The following MGA variants were observed in gnomAD, a reference collection of about 807,000 sequenced individuals.
MGA encodes MAX gene-associated protein.
MGA carries 40 observed loss-of-function variants against 261.1 expected under a neutral mutation model. The ratio of observed to expected loss-of-function variants is 0.15; its 90% confidence interval spans 0.12 to 0.20. MGA has a LOEUF of 0.20. Ranked by LOEUF, MGA falls within the 10% of genes least tolerant of loss-of-function variation. MGA has a pLI of 1.00. For synonymous variants in MGA, 1,302 were observed against 1,290.6 expected (o/e 1.01, Z -0.19); for missense variants, 3,397 against 3,630.5 (o/e 0.94, Z 1.65).
chr15:41,735,405 G>A (rs1252420749), intron 12 of MGA, among the ~76,000 whole-genome samples: 2 of 152,180 alleles, frequency 1.3e-5, no homozygotes, highest in South Asian at 2.1e-4. Context: ...TAATTCAGAG[G>A]TATTTGCAGT....
chr15:41,750,234 G>T lies in MGA; in HGVS notation c.6627G>T (p.Gln2209His), dbSNP rs751578848. Reference sequence around the variant, plus strand: ...TAATTAAAGAAACAAAGACATGTCAGGAAAATTCAGATGTGTTTCAGCAAG... The same window carrying T: ...TAATTAAAGAAACAAAGACATGTCATGAAAATTCAGATGTGTTTCAGCAAG... Residue 2209 changes from glutamine (Q) to histidine (H), a missense_variant, in exon 17 of 24, where the codon CAG (glutamine) becomes CAT (histidine). Transcript: ENST00000219905. 6.2e-7 allele frequency: 1 copy of T among 1,613,926 alleles called. No individual in the cohort carries two copies. The highest frequency in any genetic ancestry group is 1.3e-5 in the African/African-American group (1 of 75,060).
chr15:41,649,522 A>G (rs1009863445), intron 1 of MGA, among the ~76,000 whole-genome samples: 1 of 152,206 alleles, frequency 6.6e-6, no homozygotes, highest in Non-Finnish European at 1.5e-5. Flanking sequence ...TTGACAGCGT[A>G]TCATGGTCAG....
At chr15:41,712,750 T>TAC (rs1166008182) in intron 8 of MGA, among the ~76,000 whole-genome samples, 9 of 152,200 alleles carry the variant, frequency 5.9e-5, no homozygotes, top group Non-Finnish European at 1.3e-4. Context: ...TTGCAGACCA[T>TAC]ACACTCTCTA....
chr15:41,701,721 C>T (rs1015541608), intron 5 of MGA, among the ~76,000 whole-genome samples: 1 of 152,152 alleles, frequency 6.6e-6, no homozygotes, highest in African/African-American at 2.4e-5. Context: ...GAAGTGGTGG[C>T]AGCTAATAGT....
chr15:41,741,024 G>C (rs139265829), intron 14 of MGA, among the ~76,000 whole-genome samples: 397 of 152,206 alleles, frequency 2.6e-3, no homozygotes, highest in African/African-American at 9.2e-3. Flanking sequence ...TTAGAGTTGT[G>C]TGAAGATAGA....
intron 1 of MGA, among the ~76,000 whole-genome samples, chr15:41,643,921 A>AT (rs1207151922): frequency 1.3e-5 from 2 of 148,728 alleles, no homozygotes; most frequent in Non-Finnish European, 1.5e-5. Flanking sequence ...ACTCTTTCTC[A>AT]TTTTTTTTCC....
chr15:41,748,988 A>G, intron 16 of MGA, 61 bp downstream of exon 16: 11 of 1,565,782 alleles, frequency 7.0e-6, no homozygotes, highest in African/African-American at 1.4e-5. Flanking sequence ...ATGGTATGTT[A>G]ATACACCAAG....
chr15:41,769,390 C>T lies in MGA; in HGVS notation c.*2110C>T, dbSNP rs1178876077. 2 of 146,478 alleles carry T rather than the reference C, an allele frequency of 1.4e-5. No individual in the cohort carries two copies. Among genetic ancestry groups the T allele is most frequent in the Non-Finnish European group, 3.0e-5 (2 of 67,252 alleles). 9.1% of individuals were successfully genotyped at this position (146,478 alleles called of 1,614,324 possible). The stretch of plus-strand genomic sequence containing the variant: ...CATTTGACTCTTGATGAGAGTTGTA[C>T]GAAGATGGAAATGAGGGATGATTCC... On this transcript the variant is annotated 3_prime_UTR_variant, in exon 24 of 24. Coordinates refer to ENST00000219905, the MANE Select transcript of MGA (RefSeq NM_001164273.2).
chr15:41,737,512 T>C (rs1445617384), intron 13 of MGA, among the ~76,000 whole-genome samples: 1 of 152,138 alleles, frequency 6.6e-6, no homozygotes, highest in Non-Finnish European at 1.5e-5. Context: ...TCAGCCATAT[T>C]TACTTAATTA....
At chr15:41,697,098 C>G in intron 3 of MGA, 75 bp downstream of exon 3, 3 of 1,192,872 alleles carry the variant, frequency 2.5e-6, no homozygotes, top group Non-Finnish European at 1.1e-6. Context: ...GTAAGTAACT[C>G]GATTTACAAT....
At chr15:41,707,916 T>G in intron 6 of MGA, 57 bp downstream of exon 6, 3 of 1,563,568 alleles carry the variant, frequency 1.9e-6, no homozygotes, top group Non-Finnish European at 2.6e-6. Context: ...TTACGTTATT[T>G]GTAACGTAAG....
chr15:41,757,464 T>C (rs2063213929), intron 18 of MGA, among the ~76,000 whole-genome samples: 1 of 152,166 alleles, frequency 6.6e-6, no homozygotes, highest in Admixed American at 6.6e-5. Flanking sequence ...TACTATGCCA[T>C]TTTATATCAG....
At chr15:41,662,267 A>G (rs77849981) in intron 1 of MGA, among the ~76,000 whole-genome samples, 5,004 of 152,196 alleles carry the variant, frequency 0.033, 138 homozygotes, top group South Asian at 0.07. Flanking sequence ...TTCTGCCTTA[A>G]AAGTTCTTCA....
intron 9 of MGA, among the ~76,000 whole-genome samples, chr15:41,720,804 C>T (rs1320924666): frequency 4.6e-5 from 7 of 151,572 alleles, no homozygotes; most frequent in Non-Finnish European, 7.4e-5. Flanking sequence ...TTGCACTGGA[C>T]GACAAAGTGA....
chr15:41,686,245 G>T (rs1271576559), intron 2 of MGA, among the ~76,000 whole-genome samples: 1 of 152,090 alleles, frequency 6.6e-6, no homozygotes, highest in East Asian at 1.9e-4. Flanking sequence ...GGGTGTGGTG[G>T]CTCACGCCTT....
At chr15:41,736,097 G>GT (rs1313901458) in intron 12 of MGA, 84 bp from the exon 13 acceptor site, 133 of 1,200,130 alleles carry the variant, frequency 1.1e-4, no homozygotes, top group Non-Finnish European at 1.3e-4. Context: ...GAATGTGACA[G>GT]TTTTTTTTCA....
chr15:41,700,295 C>T (rs1393028194), intron 5 of MGA, among the ~76,000 whole-genome samples: 1 of 152,068 alleles, frequency 6.6e-6, no homozygotes, highest in Non-Finnish European at 1.5e-5. Flanking sequence ...ATCTGCCCGC[C>T]TCGGCCTCCC....
In MGA at chr15:41,757,795, A is replaced by G; in HGVS notation, c.7147A>G (p.Thr2383Ala). 1.2e-6 allele frequency: 2 copies of G among 1,610,278 alleles called. No individual in the cohort carries two copies. The highest frequency in any genetic ancestry group is 1.7e-6 in the Non-Finnish European group (2 of 1,177,066). ...AATCCTGTCTTTATCCAGGTCCTGT[A>G]CTCACATCTCTGCAGATGAAAAAGC... Residue 2383 changes from threonine to alanine, a missense_variant, in exon 19 of 24, where the codon ACT becomes GCT. Transcript: ENST00000219905.
intron 1 of MGA, among the ~76,000 whole-genome samples, chr15:41,667,688 A>G (rs1040255702): frequency 1.3e-5 from 2 of 151,902 alleles, no homozygotes; most frequent in African/African-American, 2.4e-5. Context: ...CCCCCTTTTT[A>G]TATTAGGGAA....
Sources: allele counts gnomAD v4.1 joint callset (sites outside exome capture counted in the v4.1 genomes callset), GRCh38; gene constraint gnomAD v4.1.1; transcripts MANE v1.5; gene names NCBI Gene and HGNC (gene_info 2026-07-23, HGNC 2026-07-21).